Variants in KCNJ16 observed in about 807,000 individuals in gnomAD.
The protein encoded by KCNJ16 is potassium inwardly rectifying channel subfamily J member 16, also known as inward rectifier potassium channel 16.
Under a neutral mutation model 18.5 loss-of-function variants are expected in KCNJ16, and 15 were observed. The observed-to-expected ratio is 0.81, with a 90% CI of 0.54 to 1.25. The LOEUF (loss-of-function observed/expected upper bound fraction) is 1.25. Among genes scored for constraint, KCNJ16 ranks in the 50% most tolerant of loss-of-function variants. KCNJ16 has a pLI of 0.00. For synonymous variants in KCNJ16, 174 were observed against 186.5 expected, an observed-to-expected ratio of 0.93 and a Z score of 0.55; for missense variants, 523 against 525.7, an observed-to-expected ratio of 0.99 and a Z score of 0.05.
intron 2 of KCNJ16, among the ~76,000 whole-genome samples, chr17:70,118,021 T>C (rs138803700): frequency 2.0e-3 from 297 of 152,266 alleles, no homozygotes; most frequent in Non-Finnish European, 3.0e-3. Context: ...TTGTGTGATG[T>C]AGGGGAGGGA....
intron 2 of KCNJ16, among the ~76,000 whole-genome samples, chr17:70,113,726 T>A (rs1257312198): frequency 6.6e-6 from 1 of 152,164 alleles, no homozygotes; most frequent in African/African-American, 2.4e-5. Flanking sequence ...GCTGTGTGTG[T>A]AGACATTCAT....
intron 2 of KCNJ16, among the ~76,000 whole-genome samples, chr17:70,113,188 T>C (rs1467643634): frequency 1.3e-5 from 2 of 152,190 alleles, no homozygotes; most frequent in Non-Finnish European, 2.9e-5. Flanking sequence ...GCCTAGAAAA[T>C]CAAGAAGTAA....
chr17:70,103,321 T>TATACAC (rs1355893521), intron 2 of KCNJ16, among the ~76,000 whole-genome samples: 22 of 44,488 alleles, frequency 4.9e-4, no homozygotes, highest in African/African-American at 1.5e-3. Context: ...TATATATATA[T>TATACAC]ACACACACAT....
At chr17:70,090,775 C>T (rs985886965) in intron 1 of KCNJ16, among the ~76,000 whole-genome samples, 6 of 151,850 alleles carry the variant, frequency 4.0e-5, no homozygotes, top group Admixed American at 1.3e-4. Context: ...CTCACAATAC[C>T]GCTAACCCAC....
chr17:70,113,961 T>TAATAGAA (rs1482218738), intron 2 of KCNJ16, among the ~76,000 whole-genome samples: 1 of 152,112 alleles, frequency 6.6e-6, no homozygotes, highest in Admixed American at 6.6e-5. Flanking sequence ...AGGCACACAC[T>TAATAGAA]AATAGAAAGT....
intron 2 of KCNJ16, among the ~76,000 whole-genome samples, chr17:70,118,615 A>G (rs1158996538): frequency 6.6e-6 from 1 of 151,986 alleles, no homozygotes; most frequent in African/African-American, 2.4e-5. Flanking sequence ...GAGAGAGAGA[A>G]TTGAGGAGGG....
intron 2 of KCNJ16, chr17:70,101,924 A>G (rs2072644585): frequency 6.6e-6 from 1 of 152,198 alleles, no homozygotes; most frequent in African/African-American, 2.4e-5. Flanking sequence ...TTATCACAGA[A>G]TTTATATTTT....
chr17:70,103,229 TTATA>T (rs1567789160), intron 2 of KCNJ16, among the ~76,000 whole-genome samples: 3 of 144,048 alleles, frequency 2.1e-5, no homozygotes, highest in South Asian at 2.1e-4. Flanking sequence ...TATATGTGTA[TTATA>T]TATTTATGTG....
At chr17:70,084,211 A>G (rs2071688762) in intron 1 of KCNJ16, among the ~76,000 whole-genome samples, 1 of 152,228 alleles carries the variant, frequency 6.6e-6, no homozygotes, top group African/African-American at 2.4e-5. Flanking sequence ...GATGACTCCC[A>G]TGGCCTGAAA....
At chr17:70,121,187 T>C (rs1399440064) in intron 2 of KCNJ16, among the ~76,000 whole-genome samples, 8 of 152,186 alleles carry the variant, frequency 5.3e-5, no homozygotes, top group Non-Finnish European at 1.2e-4. Flanking sequence ...TTGGAGGATC[T>C]GTCCCTAGGC....
intron 1 of KCNJ16, among the ~76,000 whole-genome samples, chr17:70,098,904 T>C (rs1013674264): frequency 2.0e-5 from 3 of 152,166 alleles, no homozygotes; most frequent in African/African-American, 7.2e-5. Flanking sequence ...CAACCAGGTG[T>C]TGAGCAAATT....
chr17:70,084,140 G>A (rs569596152), intron 1 of KCNJ16, among the ~76,000 whole-genome samples: 3 of 152,070 alleles, frequency 2.0e-5, no homozygotes, highest in Non-Finnish European at 4.4e-5. Flanking sequence ...GTGCCCTACA[G>A]TGACTTGTTG....
intron 1 of KCNJ16, among the ~76,000 whole-genome samples, chr17:70,085,463 T>C (rs1045805130): frequency 3.9e-5 from 6 of 152,228 alleles, no homozygotes; most frequent in African/African-American, 1.4e-4. Context: ...AGGTATGGGC[T>C]TTTAACCAGT....
At chr17:70,081,806 C>CTGTG (rs5821755) in intron 1 of KCNJ16, among the ~76,000 whole-genome samples, 2,091 of 149,542 alleles carry the variant, frequency 0.014, 20 homozygotes, top group African/African-American at 0.026. Context: ...TCACCATGCT[C>CTGTG]TGTGTGTGTG....
intron 1 of KCNJ16, among the ~76,000 whole-genome samples, chr17:70,093,463 T>C (rs899655977): frequency 3.9e-5 from 6 of 152,316 alleles, no homozygotes; most frequent in South Asian, 2.1e-4. Context: ...ACCAGTCGTA[T>C]TGGATCCGGG....
intron 2 of KCNJ16, chr17:70,128,539 C>G (rs1448684081): frequency 3.3e-5 from 5 of 152,140 alleles, no homozygotes; most frequent in Non-Finnish European, 5.9e-5. Flanking sequence ...CATTGCCTCT[C>G]TTCTCTAGCC....
chr17:70,132,583 G>A lies in KCNJ16; in HGVS notation c.496G>A (p.Gly166Arg). Residue 166 changes from glycine to arginine, a missense_variant, in exon 4 of 4, where the codon GGA (glycine) becomes AGA (arginine). By Grantham distance (125) the Gly-to-Arg change is moderately radical. Coordinates refer to ENST00000392671, the MANE Select transcript of KCNJ16 (RefSeq NM_170741.4). Reference sequence around the variant, plus strand: ...TTGCATCATAAATACCTTTATCATTGGAGCTGCCTTGGCCAAAATGGCAAC... The same window carrying A: ...TTGCATCATAAATACCTTTATCATTAGAGCTGCCTTGGCCAAAATGGCAAC... ...LSCIINTFII[G>R]AALAKMATAR... 2 of 1,614,172 alleles carry A rather than the reference G, an allele frequency of 1.2e-6. No individual in the cohort carries two copies. The highest frequency in any genetic ancestry group is 2.2e-5 in the South Asian group (2 of 91,086).
chr17:70,086,732 T>G (rs79575069), intron 1 of KCNJ16, among the ~76,000 whole-genome samples: 1 of 152,194 alleles, frequency 6.6e-6, no homozygotes, highest in Admixed American at 6.5e-5. Context: ...TTTTACGTAA[T>G]TGCAGCTTTT....
intron 1 of KCNJ16, among the ~76,000 whole-genome samples, chr17:70,085,377 G>A (rs911146839): frequency 6.6e-6 from 1 of 152,198 alleles, no homozygotes; most frequent in Non-Finnish European, 1.5e-5. Context: ...CAGAGGCACT[G>A]AAAGGTCGGG....
Sources: allele counts gnomAD v4.1 joint callset (sites outside exome capture counted in the v4.1 genomes callset), GRCh38; gene constraint gnomAD v4.1.1; transcripts MANE v1.5; gene names NCBI Gene and HGNC (gene_info 2026-07-23, HGNC 2026-07-21).